NKAIN3: variants seen among roughly 807,000 people sequenced by gnomAD.
NKAIN3 encodes sodium/potassium-transporting ATPase subunit beta-1-interacting protein 3.
In NKAIN3, 25 loss-of-function variants were observed where a neutral mutation model predicts 30.2. That is an observed-to-expected ratio of 0.83 (90% CI 0.60 to 1.16). The LOEUF is 1.16. NKAIN3 is among the 50% of genes most tolerant of loss of function. NKAIN3 has a pLI of 0.00. For missense variants in NKAIN3, 225 were observed against 254.1 expected, an observed-to-expected ratio of 0.89 and a Z score of 0.78; for synonymous variants, 91 against 89.6, an observed-to-expected ratio of 1.02 and a Z score of -0.09.
chr8:62,349,895 T>C (rs1816128774), intron 1 of NKAIN3, among the ~76,000 whole-genome samples: 1 of 152,190 alleles, frequency 6.6e-6, no homozygotes, highest in African/African-American at 2.4e-5. Flanking sequence ...TCTACAACTT[T>C]CTTACTCCTT....
intron 4 of NKAIN3, among the ~76,000 whole-genome samples, chr8:62,805,795 G>C (rs535629459): frequency 6.6e-6 from 1 of 152,132 alleles, no homozygotes; most frequent in Non-Finnish European, 1.5e-5. Flanking sequence ...AGCCAAAATG[G>C]ACAAATGGGA....
intron 1 of NKAIN3, among the ~76,000 whole-genome samples, chr8:62,402,508 A>G (rs188592208): frequency 1.3e-5 from 2 of 152,138 alleles, no homozygotes; most frequent in East Asian, 2.0e-4. Flanking sequence ...TAATTGAATC[A>G]TCGGGGTGGT....
chr8:62,870,105 T>C (rs1328390695), intron 4 of NKAIN3, among the ~76,000 whole-genome samples: 1 of 150,904 alleles, frequency 6.6e-6, no homozygotes. Flanking sequence ...GGATGTGGAC[T>C]GAGCCACTCC....
At chr8:62,517,731 C>G (rs958596137) in intron 1 of NKAIN3, among the ~76,000 whole-genome samples, 1 of 152,122 alleles carries the variant, frequency 6.6e-6, no homozygotes, top group African/African-American at 2.4e-5. Context: ...TTCCTTCCAG[C>G]ATTAGCATAT....
intron 3 of NKAIN3, among the ~76,000 whole-genome samples, chr8:62,615,561 C>T (rs1371845454): frequency 6.6e-6 from 1 of 152,116 alleles, no homozygotes; most frequent in African/African-American, 2.4e-5. Flanking sequence ...GAGTTGCAGT[C>T]CTTGTGGCCT....
chr8:62,747,582 C>T (rs767111784), intron 4 of NKAIN3, among the ~76,000 whole-genome samples: 1 of 152,170 alleles, frequency 6.6e-6, no homozygotes, highest in Non-Finnish European at 1.5e-5. Flanking sequence ...GGAGACTCTT[C>T]GCATTTTAGT....
At chr8:62,674,883 C>T (rs563849241) in intron 3 of NKAIN3, among the ~76,000 whole-genome samples, 213 of 152,256 alleles carry the variant, frequency 1.4e-3, no homozygotes, top group African/African-American at 4.8e-3. Context: ...AAAACCGCCA[C>T]GTAAGGATAA....
chr8:62,610,350 A>G (rs1273177464), intron 3 of NKAIN3, among the ~76,000 whole-genome samples: 1 of 137,350 alleles, frequency 7.3e-6, no homozygotes, highest in Admixed American at 6.8e-5. Flanking sequence ...CGTCTCAGAA[A>G]AAAAAAAAAA....
chr8:62,375,021 T>C (rs186949721), intron 1 of NKAIN3, among the ~76,000 whole-genome samples: 30 of 152,380 alleles, frequency 2.0e-4, no homozygotes, highest in Non-Finnish European at 2.9e-5. Flanking sequence ...GTAAATGCTC[T>C]GTTCCCCTAC....
At chr8:62,528,349 A>ATTATATAATATAATATAT (rs1563441569) in intron 1 of NKAIN3, among the ~76,000 whole-genome samples, 1 of 74,720 alleles carries the variant, frequency 1.3e-5, no homozygotes, top group Non-Finnish European at 2.8e-5. Flanking sequence ...TAATATATAT[A>ATTATATAATATAATATAT]TATATGACTT....
chr8:62,389,922 C>T (rs1156628112), intron 1 of NKAIN3, among the ~76,000 whole-genome samples: 1 of 152,100 alleles, frequency 6.6e-6, no homozygotes, highest in Non-Finnish European at 1.5e-5. Context: ...GACATTCAGT[C>T]CAAACTGAAC....
chr8:62,995,208 G>A (rs189027521), intron 5 of NKAIN3, among the ~76,000 whole-genome samples: 3 of 152,308 alleles, frequency 2.0e-5, no homozygotes, highest in Non-Finnish European at 4.4e-5. Flanking sequence ...GTATATCTGA[G>A]AGCATTTTAA....
intron 3 of NKAIN3, among the ~76,000 whole-genome samples, chr8:62,595,992 C>T (rs566539139): frequency 5.9e-5 from 9 of 151,990 alleles, no homozygotes; most frequent in Non-Finnish European, 8.8e-5. Context: ...GCCTGCAGTG[C>T]AGGGGATTAC....
intron 5 of NKAIN3, among the ~76,000 whole-genome samples, chr8:62,944,337 A>C (rs1823063917): frequency 6.6e-6 from 1 of 152,126 alleles, no homozygotes; most frequent in East Asian, 1.9e-4. Flanking sequence ...CTGGTAGTAT[A>C]AGTTCTTCAA....
intron 1 of NKAIN3, among the ~76,000 whole-genome samples, chr8:62,504,483 T>A (rs1807570806): frequency 6.6e-6 from 1 of 152,118 alleles, no homozygotes; most frequent in Non-Finnish European, 1.5e-5. Context: ...TCTATCCCAA[T>A]CCTCACATCT....
chr8:62,823,485 A>G (rs899014583), intron 4 of NKAIN3, among the ~76,000 whole-genome samples: 10 of 152,190 alleles, frequency 6.6e-5, no homozygotes, highest in Non-Finnish European at 5.9e-5. Flanking sequence ...AGTCAAATAC[A>G]GTATTTATAA....
At chr8:62,644,234 C>T (rs1563497455) in intron 3 of NKAIN3, among the ~76,000 whole-genome samples, 1 of 152,064 alleles carries the variant, frequency 6.6e-6, no homozygotes, top group Non-Finnish European at 1.5e-5. Context: ...CTACTAGGCT[C>T]CTGCACCATT....
intron 3 of NKAIN3, among the ~76,000 whole-genome samples, chr8:62,700,781 A>G (rs1814308681): frequency 6.6e-6 from 1 of 152,240 alleles, no homozygotes; most frequent in Non-Finnish European, 1.5e-5. Flanking sequence ...TGATTCTTCA[A>G]CAAACATAGT....
intron 1 of NKAIN3, among the ~76,000 whole-genome samples, chr8:62,554,295 A>G (rs1809315767): frequency 1.3e-5 from 2 of 152,192 alleles, no homozygotes; most frequent in African/African-American, 2.4e-5. Flanking sequence ...ACTAGTTCTG[A>G]ACTTGAGCTT....
Sources: allele counts gnomAD v4.1 joint callset (sites outside exome capture counted in the v4.1 genomes callset), GRCh38; gene constraint gnomAD v4.1.1; transcripts MANE v1.5; gene names NCBI Gene and HGNC (gene_info 2026-07-23, HGNC 2026-07-21).